The following ERBB4 variants were observed in gnomAD, a reference collection of about 807,000 sequenced individuals.
ERBB4 encodes receptor tyrosine-protein kinase erbB-4.
A neutral mutation model predicts 158.0 loss-of-function variants in ERBB4; 42 were observed. The observed-to-expected ratio is 0.27, with a 90% CI of 0.21 to 0.34. The LOEUF (loss-of-function observed/expected upper bound fraction) is 0.34, where lower values mean the gene tolerates loss of function less well. Among genes scored for constraint, ERBB4 ranks in the 10% least tolerant of loss-of-function variants. The probability of loss-of-function intolerance (pLI) is 1.00; values close to 1 mark genes in which losing one functional copy is unlikely to be tolerated. For missense variants in ERBB4, 1,333 were observed against 1,624.1 expected, an observed-to-expected ratio of 0.82 and a Z score of 3.08; for synonymous variants, 583 against 558.7, an observed-to-expected ratio of 1.04 and a Z score of -0.61.
intron 19 of ERBB4, among the ~76,000 whole-genome samples, chr2:211,600,227 C>G (rs535117331): frequency 2.0e-4 from 30 of 152,260 alleles, no homozygotes; most frequent in African/African-American, 7.2e-4. Context: ...TTATGATTCT[C>G]CCAGTTAACT....
chr2:211,726,323 T>C (rs911202073), intron 5 of ERBB4, among the ~76,000 whole-genome samples: 58 of 152,154 alleles, frequency 3.8e-4, no homozygotes, highest in African/African-American at 1.4e-3. Context: ...TACCAGTAAA[T>C]GACTTTCAGA....
chr2:211,914,682 C>G lies in ERBB4; in HGVS notation c.421+32748G>C, dbSNP rs1364971719. ...ATATTTTTATAAGTGGAAAAATACA[C>G]ATAATCAAAATTGCACATAAATATA... On this transcript the variant is annotated intron_variant, in intron 3 of 27. Transcript: ENST00000342788. Among the ~76,000 whole-genome samples the G allele has an allele frequency of 3.3e-5, 5 of 152,134 alleles. No homozygotes were observed. In the South Asian group the frequency reaches 1.0e-3, roughly 32 times the overall value.
chr2:212,120,065 G>A lies in ERBB4; in HGVS notation c.234+4687C>T, dbSNP rs1312400405. Among the ~76,000 whole-genome samples the A allele has an allele frequency of 2.6e-5, 4 of 152,156 alleles. No individual in the cohort carries two copies. In the East Asian group the frequency reaches 7.7e-4, roughly 29 times the overall value. On this transcript the variant is annotated intron_variant, in intron 2 of 27. Coordinates refer to ENST00000342788, the MANE Select transcript of ERBB4 (RefSeq NM_005235.3). ...TGCAAGAGTAGAGGTGGAAATGGCTGGATTGCAATCAGTCATCAGAAGTAG... is the reference window on the plus strand; with the variant it reads ...TGCAAGAGTAGAGGTGGAAATGGCTAGATTGCAATCAGTCATCAGAAGTAG...
At chr2:211,581,228 A>T (rs181842451) in intron 19 of ERBB4, among the ~76,000 whole-genome samples, 1 of 152,108 alleles carries the variant, frequency 6.6e-6, no homozygotes, top group Non-Finnish European at 1.5e-5. Flanking sequence ...GAACTTACTC[A>T]TGTAACAAAA....
chr2:212,419,866 ACTG>A lies in ERBB4; in HGVS notation c.82+118580_82+118582del, dbSNP rs1380850499. ...TCTTTAAACCTTCTTGCATTGAAAC[ACTG>A]CTATCAGCTCTGGTAGATGATATTT... On this transcript the variant is annotated intron_variant, in intron 1 of 27. Coordinates refer to ENST00000342788, the MANE Select transcript of ERBB4 (RefSeq NM_005235.3). 2.0e-5 allele frequency among the ~76,000 whole-genome samples: 3 copies of A among 152,038 alleles called. No individual in the cohort carries two copies. In the East Asian group the frequency reaches 5.8e-4, roughly 29 times the overall value.
chr2:212,475,986 A>G (rs982029587), intron 1 of ERBB4, among the ~76,000 whole-genome samples: 1 of 152,074 alleles, frequency 6.6e-6, no homozygotes, highest in East Asian at 1.9e-4. Flanking sequence ...CTTTTGAAAT[A>G]CAAATCAGAC....
At chr2:212,115,873 A>T (rs1413101385) in intron 2 of ERBB4, among the ~76,000 whole-genome samples, 2 of 152,090 alleles carry the variant, frequency 1.3e-5, no homozygotes, top group Non-Finnish European at 2.9e-5. Flanking sequence ...TTGAAGCCAA[A>T]TTTAAATACC....
chr2:212,191,884 T>TGC (rs1553588766), intron 1 of ERBB4, among the ~76,000 whole-genome samples: 1 of 1,866 alleles, frequency 5.4e-4, no homozygotes, highest in Non-Finnish European at 2.4e-3. Context: ...ATACATATGT[T>TGC]ACATGTTATA....
At chr2:211,878,652 G>GTTTTTTTT (rs150312098) in intron 3 of ERBB4, among the ~76,000 whole-genome samples, 3 of 99,162 alleles carry the variant, frequency 3.0e-5, no homozygotes, top group East Asian at 3.7e-4. Context: ...GACAAATTAA[G>GTTTTTTTT]TTTTGTTTTT....
At chr2:211,866,929 C>T (rs2078221144) in intron 3 of ERBB4, among the ~76,000 whole-genome samples, 1 of 150,410 alleles carries the variant, frequency 6.6e-6, no homozygotes, top group Non-Finnish European at 1.5e-5. Context: ...AGAGTGCTCC[C>T]CTCCCTCTGT....
At chr2:212,131,967 C>A (rs899904047) in intron 1 of ERBB4, among the ~76,000 whole-genome samples, 2 of 152,220 alleles carry the variant, frequency 1.3e-5, no homozygotes, top group Middle Eastern at 3.4e-3. Flanking sequence ...ACTGTAATTG[C>A]CATAAGTATT....
chr2:211,951,322 T>C (rs2080869485), intron 2 of ERBB4, among the ~76,000 whole-genome samples: 1 of 152,094 alleles, frequency 6.6e-6, no homozygotes, highest in South Asian at 2.1e-4. Context: ...AATAGTAATT[T>C]TTCAGTGTCA....
chr2:212,377,016 G>C (rs1369336831), intron 1 of ERBB4, among the ~76,000 whole-genome samples: 3 of 151,752 alleles, frequency 2.0e-5, no homozygotes, highest in Non-Finnish European at 4.4e-5. Flanking sequence ...AGAGATGAAA[G>C]AACCTTCACT....
chr2:211,789,375 G>T (rs2076234348), intron 3 of ERBB4, among the ~76,000 whole-genome samples: 1 of 152,122 alleles, frequency 6.6e-6, no homozygotes, highest in Non-Finnish European at 1.5e-5. Context: ...CATCCTCAGT[G>T]TGTCAGTTTT....
intron 5 of ERBB4, among the ~76,000 whole-genome samples, chr2:211,740,622 C>CTTTTTTTTTTTT (rs1169540948): frequency 1.5e-3 from 134 of 90,168 alleles, no homozygotes; most frequent in Non-Finnish European, 1.9e-3. Context: ...TTTTCTTTGT[C>CTTTTTTTTTTTT]TTTTTTTTTT....
chr2:211,438,001 G>A (rs913297706), intron 20 of ERBB4, among the ~76,000 whole-genome samples: 1 of 152,176 alleles, frequency 6.6e-6, no homozygotes, highest in African/African-American at 2.4e-5. Context: ...TGCATAAAGG[G>A]AATATAAGGA....
intron 3 of ERBB4, among the ~76,000 whole-genome samples, chr2:211,916,387 C>G (rs2079692436): frequency 6.6e-6 from 1 of 152,056 alleles, no homozygotes; most frequent in Non-Finnish European, 1.5e-5. Context: ...ACCATGTTGG[C>G]TAGGCTGGTC....
intron 1 of ERBB4, among the ~76,000 whole-genome samples, chr2:212,294,941 T>C (rs545142024): frequency 5.3e-5 from 8 of 152,202 alleles, no homozygotes; most frequent in South Asian, 4.1e-4. Context: ...AAGCCAGGCA[T>C]GAAGCCTTTG....
At chr2:212,032,159 A>T (rs1237810722) in intron 2 of ERBB4, among the ~76,000 whole-genome samples, 1 of 152,108 alleles carries the variant, frequency 6.6e-6, no homozygotes, top group Non-Finnish European at 1.5e-5. Flanking sequence ...CTCAGCTAAA[A>T]CCAAGATGAT....
Sources: allele counts gnomAD v4.1 joint callset (sites outside exome capture counted in the v4.1 genomes callset), GRCh38; gene constraint gnomAD v4.1.1; transcripts MANE v1.5; gene names NCBI Gene and HGNC (gene_info 2026-07-23, HGNC 2026-07-21).